DIP2B: variants seen among roughly 807,000 people sequenced by gnomAD.
DIP2B encodes the protein disco-interacting protein 2 homolog B.
In DIP2B, 76 loss-of-function variants were observed where a neutral mutation model predicts 198.0. That is an observed-to-expected ratio of 0.38 (90% CI 0.32 to 0.46). The LOEUF (loss-of-function observed/expected upper bound fraction) is 0.46. Ranked by LOEUF, DIP2B falls within the 20% of genes least tolerant of loss-of-function variation. DIP2B has a pLI of 0.99. For missense variants in DIP2B, 1,559 were observed against 1,978.4 expected (o/e 0.79, Z 4.02); for synonymous variants, 701 against 739.1 (o/e 0.95, Z 0.84).
At chr12:50,636,111 T>A (rs917296657) in intron 2 of DIP2B, among the ~76,000 whole-genome samples, 1 of 152,116 alleles carries the variant, frequency 6.6e-6, no homozygotes, top group Non-Finnish European at 1.5e-5. Context: ...GTAAGAGAGC[T>A]CTAAACAAAG....
At chr12:50,506,216 C>T (rs181837815) in intron 1 of DIP2B, among the ~76,000 whole-genome samples, 210 of 152,194 alleles carry the variant, frequency 1.4e-3, no homozygotes, top group African/African-American at 4.9e-3. Flanking sequence ...GCATTTTCTC[C>T]AAGCTTGATA....
At chr12:50,537,546 T>C (rs1240171516) in intron 1 of DIP2B, among the ~76,000 whole-genome samples, 2 of 152,090 alleles carry the variant, frequency 1.3e-5, no homozygotes, top group African/African-American at 2.4e-5. Context: ...ACCATCCCAG[T>C]CAACAAATGG....
At chr12:50,663,934 G>A (rs1267617278) in intron 4 of DIP2B, among the ~76,000 whole-genome samples, 2 of 147,724 alleles carry the variant, frequency 1.4e-5, no homozygotes, top group African/African-American at 5.0e-5. Context: ...GGAAAAATTA[G>A]CCTAATAGCC....
chr12:50,510,418 A>C (rs1177654497), intron 1 of DIP2B, among the ~76,000 whole-genome samples: 1 of 152,220 alleles, frequency 6.6e-6, no homozygotes, highest in Non-Finnish European at 1.5e-5. Flanking sequence ...CGCTTAGCTC[A>C]GCCCTTGGTT....
intron 1 of DIP2B, among the ~76,000 whole-genome samples, chr12:50,559,622 A>G (rs879912471): frequency 2.0e-5 from 3 of 151,494 alleles, no homozygotes; most frequent in African/African-American, 7.3e-5. Flanking sequence ...AGTTCCAGCT[A>G]CTTGGGAGGC....
At chr12:50,738,807 G>A (rs1388720516) in intron 35 of DIP2B, among the ~76,000 whole-genome samples, 1 of 152,162 alleles carries the variant, frequency 6.6e-6, no homozygotes, top group Admixed American at 6.5e-5. Context: ...AATGTTAGTA[G>A]TAGCACCTAC....
At chr12:50,620,288 C>G (rs1937785939) in intron 1 of DIP2B, among the ~76,000 whole-genome samples, 1 of 152,186 alleles carries the variant, frequency 6.6e-6, no homozygotes, top group African/African-American at 2.4e-5. Flanking sequence ...AGCCCTCTCT[C>G]AATCAACTTG....
chr12:50,709,919 T>G (rs1287223494), intron 22 of DIP2B, among the ~76,000 whole-genome samples: 2 of 152,180 alleles, frequency 1.3e-5, no homozygotes, highest in African/African-American at 4.8e-5. Flanking sequence ...TAGTGCACTA[T>G]GGTCGCACCT....
At chr12:50,685,134 A>C (rs866723171) in intron 10 of DIP2B, among the ~76,000 whole-genome samples, 1 of 152,200 alleles carries the variant, frequency 6.6e-6, no homozygotes, top group South Asian at 2.1e-4. Flanking sequence ...GGAATAAAAA[A>C]CAAATTGATA....
At chr12:50,741,277 A>T in intron 36 of DIP2B, 139 bp from the exon 37 acceptor site, 1 of 953,428 alleles carries the variant, frequency 1.0e-6, no homozygotes, top group Non-Finnish European at 1.5e-6. Flanking sequence ...TCAGAGCCTT[A>T]AGGAATTTGC....
At chr12:50,681,533 C>T (rs1379719035) in intron 9 of DIP2B, among the ~76,000 whole-genome samples, 1 of 151,962 alleles carries the variant, frequency 6.6e-6, no homozygotes, top group Non-Finnish European at 1.5e-5. Context: ...AAGAAAAAAC[C>T]GATTGACAGA....
chr12:50,699,349 CT>C, intron 19 of DIP2B, 147 bp downstream of exon 19: 2 of 1,221,882 alleles, frequency 1.6e-6, no homozygotes, highest in Non-Finnish European at 2.3e-6. Context: ...AAATTCTGAA[CT>C]TAGGTCACTA....
At chr12:50,624,500 T>C (rs987774278) in intron 1 of DIP2B, among the ~76,000 whole-genome samples, 1 of 152,008 alleles carries the variant, frequency 6.6e-6, no homozygotes, top group African/African-American at 2.4e-5. Context: ...ACCCAGCTAA[T>C]TTTTTGTATT....
chr12:50,635,109 C>T (rs1593674198), intron 2 of DIP2B, among the ~76,000 whole-genome samples: 2 of 152,292 alleles, frequency 1.3e-5, no homozygotes, highest in East Asian at 3.9e-4. Context: ...AATAGTACTA[C>T]AAGATTTATA....
intron 2 of DIP2B, among the ~76,000 whole-genome samples, chr12:50,628,016 G>A (rs940978490): frequency 1.3e-5 from 2 of 152,146 alleles, no homozygotes; most frequent in Non-Finnish European, 2.9e-5. Context: ...CAAGGATAGG[G>A]CAGTGAGAGC....
Position 50,619,969 on chromosome 12 carries a change from G to A in DIP2B, c.101-6007G>A, listed in dbSNP as rs549939403. 2.6e-5 allele frequency among the ~76,000 whole-genome samples: 4 copies of A among 152,306 alleles called. No homozygotes were observed. In the South Asian group the frequency reaches 8.3e-4, roughly 32 times the overall value. On this transcript the variant is annotated intron_variant, in intron 1 of 37. Coordinates refer to ENST00000301180, the MANE Select transcript of DIP2B (RefSeq NM_173602.3). ...CCAGATACTCAGGAGGCTGAGGCAGGAGGGTCACTTGAGCCCACAAGTGAG... is the reference window on the plus strand; with the variant it reads ...CCAGATACTCAGGAGGCTGAGGCAGAAGGGTCACTTGAGCCCACAAGTGAG...
chr12:50,658,948 G>T (rs562146270), intron 3 of DIP2B, among the ~76,000 whole-genome samples: 1 of 152,170 alleles, frequency 6.6e-6, no homozygotes, highest in Non-Finnish European at 1.5e-5. Context: ...TTAGCTGGGC[G>T]TGGTGGCGTG....
intron 1 of DIP2B, among the ~76,000 whole-genome samples, chr12:50,575,490 C>T (rs1303652128): frequency 6.6e-6 from 1 of 151,880 alleles, no homozygotes; most frequent in Non-Finnish European, 1.5e-5. Context: ...TCAAGCCATC[C>T]TCCCACCTCA....
chr12:50,516,696 C>T (rs567335379), intron 1 of DIP2B, among the ~76,000 whole-genome samples: 11 of 152,072 alleles, frequency 7.2e-5, no homozygotes, highest in Admixed American at 6.5e-5. Context: ...TTGTTTTGGC[C>T]GGACACGGTG....
Sources: gnomAD v4.1 joint callset for allele counts (sites outside exome capture counted in the v4.1 genomes callset) on GRCh38, gnomAD v4.1.1 for gene constraint, MANE v1.5 for transcripts, NCBI Gene and HGNC (gene_info 2026-07-23, HGNC 2026-07-21) for gene names.